Variants in PIK3CA observed in about 807,000 individuals in gnomAD.
PIK3CA encodes phosphatidylinositol-4,5-bisphosphate 3-kinase catalytic subunit alpha.
PIK3CA carries 27 observed loss-of-function variants against 138.2 expected under a neutral mutation model. That is an observed-to-expected ratio of 0.20 (90% CI 0.14 to 0.27). The LOEUF (loss-of-function observed/expected upper bound fraction) is 0.27, where lower values mean the gene tolerates loss of function less well. Among genes scored for constraint, PIK3CA ranks in the 10% least tolerant of loss-of-function variants. The pLI is 1.00. For missense variants in PIK3CA, 544 were observed against 1,277.4 expected, an observed-to-expected ratio of 0.43 and a Z score of 8.75; for synonymous variants, 358 against 413.2, an observed-to-expected ratio of 0.87 and a Z score of 1.62.
chr3:179,212,821 A>G (rs1724749581), intron 9 of PIK3CA, among the ~76,000 whole-genome samples: 1 of 152,208 alleles, frequency 6.6e-6, no homozygotes, highest in Non-Finnish European at 1.5e-5. Flanking sequence ...GATTTTCTTA[A>G]TAACATTTTA....
chr3:179,226,450 T>C (rs1725084656), intron 17 of PIK3CA, among the ~76,000 whole-genome samples: 1 of 152,138 alleles, frequency 6.6e-6, no homozygotes, highest in Middle Eastern at 3.4e-3. Flanking sequence ...TATCTTAGAG[T>C]TTTTACCAGT....
intron 6 of PIK3CA, among the ~76,000 whole-genome samples, chr3:179,207,496 G>A (rs1724594043): frequency 6.6e-6 from 1 of 151,702 alleles, no homozygotes; most frequent in Admixed American, 6.6e-5. Context: ...TAAAGATTTA[G>A]GAATAATAAA....
At chr3:179,224,401 A>T (rs1295893997) in intron 15 of PIK3CA, among the ~76,000 whole-genome samples, 3 of 152,152 alleles carry the variant, frequency 2.0e-5, no homozygotes, top group Non-Finnish European at 4.4e-5. Context: ...TACAGTTTAA[A>T]ACCTTCTATG....
At chr3:179,208,268 T>TA (rs1300093562) in intron 6 of PIK3CA, among the ~76,000 whole-genome samples, 2 of 152,188 alleles carry the variant, frequency 1.3e-5, no homozygotes, top group Non-Finnish European at 1.5e-5. Context: ...ATAGAATTGT[T>TA]ATACTATTTT....
chr3:179,210,511 T>C lies in PIK3CA; in HGVS notation c.1485T>C (p.His495=), dbSNP rs1480813252. 6.2e-7 allele frequency: 1 copy of C among 1,614,056 alleles called. No homozygotes were observed. The highest frequency in any genetic ancestry group is 1.3e-5 in the African/African-American group (1 of 75,040). The stretch of plus-strand genomic sequence containing the variant: ...CAGATATGTCAGTGATTGAAGAGCA[T>C]GCCAATTGGTCTGTATCCCGAGAAG... ...KFPDMSVIEE[H]ANWSVSREAG... The change falls in exon 9 of 21, where the codon CAT becomes CAC. Residue 495 remains histidine (H), a synonymous_variant. Transcript: ENST00000263967.
intron 1 of PIK3CA, among the ~76,000 whole-genome samples, chr3:179,188,612 G>T (rs1478016818): frequency 6.6e-6 from 1 of 152,094 alleles, no homozygotes; most frequent in Non-Finnish European, 1.5e-5. Context: ...GTTTACTTCT[G>T]ACTGCCTGCT....
At chr3:179,177,950 C>T (rs970257420) in intron 1 of PIK3CA, among the ~76,000 whole-genome samples, 3 of 151,912 alleles carry the variant, frequency 2.0e-5, no homozygotes, top group Non-Finnish European at 4.4e-5. Context: ...ATATAAAGAA[C>T]CTCTGAAGGC....
intron 1 of PIK3CA, among the ~76,000 whole-genome samples, chr3:179,161,734 G>C (rs889667019): frequency 6.6e-6 from 1 of 152,126 alleles, no homozygotes; most frequent in Non-Finnish European, 1.5e-5. Flanking sequence ...AGAAAGTCCA[G>C]TGGTCACAGG....
At chr3:179,203,477 C>T (rs1724473934) in intron 4 of PIK3CA, 67 bp from the exon 5 acceptor site, 4 of 1,462,308 alleles carry the variant, frequency 2.7e-6, no homozygotes, top group South Asian at 2.7e-5. Context: ...AGTCATAATA[C>T]TCTGACATGT....
intron 1 of PIK3CA, among the ~76,000 whole-genome samples, chr3:179,198,051 C>G (rs1384995365): frequency 2.6e-5 from 4 of 152,098 alleles, no homozygotes; most frequent in Non-Finnish European, 4.4e-5. Flanking sequence ...TAGATCATTA[C>G]AAATTCATCG....
chr3:179,208,359 A>G (rs998496290), intron 6 of PIK3CA, among the ~76,000 whole-genome samples: 6 of 152,224 alleles, frequency 3.9e-5, no homozygotes, highest in African/African-American at 1.2e-4. Flanking sequence ...TAAAATTACT[A>G]TCTAACATAT....
At position 179,164,372 on chromosome 3, in the gene PIK3CA, A is replaced by C. The variant is rs569483538; in HGVS notation, c.-77+15769A>C. 4.3e-4 allele frequency among the ~76,000 whole-genome samples: 66 copies of C among 152,216 alleles called. 1 individual carries two copies. Among genetic ancestry groups the C allele is most frequent in the Non-Finnish European group, 8.4e-4 (57 of 68,050 alleles). On this transcript the variant is annotated intron_variant, in intron 1 of 20. Transcript: ENST00000263967. Reference sequence around the variant, plus strand: ...AAGTGAATAAATTTCTGTAATAAACATGGGATTCATTTACATTGAAAGAAA... The same window carrying C: ...AAGTGAATAAATTTCTGTAATAAACCTGGGATTCATTTACATTGAAAGAAA...
intron 1 of PIK3CA, among the ~76,000 whole-genome samples, chr3:179,197,524 G>T (rs1724299516): frequency 6.6e-6 from 1 of 152,160 alleles, no homozygotes; most frequent in Non-Finnish European, 1.5e-5. Context: ...TCTTTGCCTT[G>T]TCTTGTGAAG....
rs1393689551 is a variant in PIK3CA at position 179,179,640 on chromosome 3, C to T, written c.-76-19110C>T. Among the ~76,000 whole-genome samples, 8 of 152,204 alleles carry T rather than the reference C, an allele frequency of 5.3e-5. No homozygotes were observed. In the East Asian group the frequency reaches 9.6e-4, roughly 18 times the overall value. ...CTTAATGCTTAAGATGTGCAGAGTT[C>T]GTTGTATGTTAACTATAGTTCAATT... On this transcript the variant is annotated intron_variant, in intron 1 of 20. Coordinates refer to ENST00000263967, the MANE Select transcript of PIK3CA (RefSeq NM_006218.4).
At chr3:179,226,387 G>A (rs1278989007) in intron 17 of PIK3CA, among the ~76,000 whole-genome samples, 2 of 152,068 alleles carry the variant, frequency 1.3e-5, no homozygotes, top group Admixed American at 6.6e-5. Context: ...TTCTAAAACT[G>A]TATAAATCCT....
chr3:179,174,050 TGTA>T (rs1051301382), intron 1 of PIK3CA, among the ~76,000 whole-genome samples: 1 of 152,168 alleles, frequency 6.6e-6, no homozygotes, highest in African/African-American at 2.4e-5. Context: ...AAAACTTGGT[TGTA>T]GTGGTGGTTT....
intron 9 of PIK3CA, among the ~76,000 whole-genome samples, chr3:179,217,845 A>G (rs187668588): frequency 2.6e-5 from 4 of 152,172 alleles, no homozygotes; most frequent in Admixed American, 1.3e-4. Flanking sequence ...TATTCTCTAT[A>G]TCAAAAACAT....
chr3:179,194,856 T>C (rs1724224748), intron 1 of PIK3CA, among the ~76,000 whole-genome samples: 1 of 152,136 alleles, frequency 6.6e-6, no homozygotes, highest in South Asian at 2.1e-4. Flanking sequence ...CTCAGGCTTT[T>C]CCATTGTTCA....
At chr3:179,194,540 G>A (rs966568255) in intron 1 of PIK3CA, among the ~76,000 whole-genome samples, 1 of 152,060 alleles carries the variant, frequency 6.6e-6, no homozygotes, top group Non-Finnish European at 1.5e-5. Context: ...TTTTACTAAC[G>A]GTGTACAACA....
Sources: allele counts gnomAD v4.1 joint callset (sites outside exome capture counted in the v4.1 genomes callset), GRCh38; gene constraint gnomAD v4.1.1; transcripts MANE v1.5; gene names NCBI Gene and HGNC (gene_info 2026-07-23, HGNC 2026-07-21).